Variants in TBC1D5 observed in about 807,000 individuals in gnomAD.
The protein encoded by TBC1D5 is TBC1 domain family, member 5.
In TBC1D5, 75 loss-of-function variants were observed where a neutral mutation model predicts 100.3. The observed-to-expected ratio is 0.75, with a 90% CI of 0.62 to 0.91. TBC1D5 has a LOEUF of 0.91. TBC1D5 is among the 40% of genes least tolerant of loss of function. The pLI, the probability that TBC1D5 is intolerant of heterozygous loss-of-function variation, is 0.00. For missense variants in TBC1D5, 910 were observed against 942.4 expected (o/e 0.97, Z 0.45); for synonymous variants, 323 against 325.6 (o/e 0.99, Z 0.09).
chr3:17,494,118 T>A (rs1309563723), intron 3 of TBC1D5, among the ~76,000 whole-genome samples: 2 of 152,150 alleles, frequency 1.3e-5, no homozygotes, highest in African/African-American at 4.8e-5. Flanking sequence ...GATGTTGTCG[T>A]TGATGCTATT....
intron 18 of TBC1D5, 41 bp downstream of exon 19, chr3:17,214,166 G>T (rs756051623): frequency 3.8e-6 from 6 of 1,584,350 alleles, no homozygotes; most frequent in South Asian, 3.5e-5. Flanking sequence ...CTCTAGAGAA[G>T]AAAATGAAGA....
chr3:17,394,472 A>C (rs1193667307), intron 8 of TBC1D5, among the ~76,000 whole-genome samples: 1 of 152,120 alleles, frequency 6.6e-6, no homozygotes, highest in Non-Finnish European at 1.5e-5. Flanking sequence ...TTGCAAAATA[A>C]AAGGATTTTA....
At chr3:17,334,381 C>T (rs887050602) in intron 13 of TBC1D5, among the ~76,000 whole-genome samples, 1 of 152,112 alleles carries the variant, frequency 6.6e-6, no homozygotes, top group African/African-American at 2.4e-5. Flanking sequence ...AAGGTAACTA[C>T]ATTAAATGAA....
intron 21 of TBC1D5, among the ~76,000 whole-genome samples, chr3:17,166,350 A>G (rs1360690966): frequency 6.6e-6 from 1 of 152,202 alleles, no homozygotes; most frequent in Non-Finnish European, 1.5e-5. Context: ...TTGGCAAAAA[A>G]GGTTCTAGCG....
At position 17,602,561 on chromosome 3, in the gene TBC1D5, A is replaced by ATTTTTTTTTTTTTT. The variant is rs33956978; in HGVS notation, c.-36+21274_-36+21287dup. Among the ~76,000 whole-genome samples, 25 of 74,518 alleles carry ATTTTTTTTTTTTTT rather than the reference A, an allele frequency of 3.4e-4. 1 individual carries two copies. The highest frequency in any genetic ancestry group is 4.9e-4 in the Non-Finnish European group (20 of 40,416). The allele number at this position is 74,518 out of a possible 152,430, so 48.9% of individuals were successfully genotyped here. Reference sequence around the variant, plus strand: ...TTATGCCATAATACGAGAGAATCAGATTTTTTTTTTTTTTTTTTTTTTTTT... The same window carrying ATTTTTTTTTTTTTT: ...TTATGCCATAATACGAGAGAATCAGATTTTTTTTTTTTTTTTTTTTTTTTTTTTTTTTTTTTTTT... On this transcript the variant is annotated intron_variant, in intron 2 of 21. Coordinates refer to ENST00000253692, the Ensembl canonical transcript of TBC1D5.
chr3:17,429,289 G>A (rs977950333), intron 3 of TBC1D5, among the ~76,000 whole-genome samples: 9 of 151,612 alleles, frequency 5.9e-5, no homozygotes, highest in Admixed American at 1.3e-4. Flanking sequence ...CCAATGCCCC[G>A]TTGTTATATA....
intron 2 of TBC1D5, among the ~76,000 whole-genome samples, chr3:17,542,959 T>G (rs887100077): frequency 6.6e-6 from 1 of 152,252 alleles, no homozygotes; most frequent in Non-Finnish European, 1.5e-5. Flanking sequence ...ACATACTTGC[T>G]CATATGTGAA....
intron 1 of TBC1D5, among the ~76,000 whole-genome samples, chr3:17,694,262 A>T (rs2071642479): frequency 6.6e-6 from 1 of 152,234 alleles, no homozygotes; most frequent in Non-Finnish European, 1.5e-5. Flanking sequence ...AGTTGACAGA[A>T]GTAGGCTTCA....
chr3:17,737,812 G>A (rs1463046538), intron 1 of TBC1D5, among the ~76,000 whole-genome samples: 1 of 135,792 alleles, frequency 7.4e-6, no homozygotes, highest in Non-Finnish European at 1.6e-5. Context: ...AAACTTTTAA[G>A]ACTATTTTGT....
chr3:17,634,626 T>TAAAAAAAAAA lies in TBC1D5; in HGVS notation c.-100-10723_-100-10714dup, dbSNP rs1000749608. On this transcript the variant is annotated intron_variant, in intron 1 of 21. Coordinates refer to ENST00000253692, the Ensembl canonical transcript of TBC1D5. Reference sequence around the variant, plus strand: ...GGGGACGTGGGGATGGCTAATAGGGTAAAAAAAAAAAAAAAAAAAGTGAAT... The same window carrying TAAAAAAAAAA: ...GGGGACGTGGGGATGGCTAATAGGGTAAAAAAAAAAAAAAAAAAAAAAAAAAAAAGTGAAT... 5.0e-3 allele frequency among the ~76,000 whole-genome samples: 429 copies of TAAAAAAAAAA among 85,312 alleles called. 6 individuals carry two copies. The highest frequency in any genetic ancestry group is 0.026 in the East Asian group (86 of 3,250). The allele number at this position is 85,312 out of a possible 152,430, so 56.0% of individuals were successfully genotyped here.
intron 2 of TBC1D5, among the ~76,000 whole-genome samples, chr3:17,584,971 G>A (rs1473879924): frequency 1.3e-5 from 2 of 151,438 alleles, no homozygotes; most frequent in Non-Finnish European, 3.0e-5. Context: ...TTATTTTTTC[G>A]ACAGAGATGG....
At chr3:17,509,748 A>T (rs1036377176) in intron 2 of TBC1D5, among the ~76,000 whole-genome samples, 2 of 151,954 alleles carry the variant, frequency 1.3e-5, no homozygotes, top group African/African-American at 4.8e-5. Context: ...GACATAGGTA[A>T]CTTTTTACAT....
intron 2 of TBC1D5, among the ~76,000 whole-genome samples, chr3:17,597,274 G>C (rs1025802003): frequency 3.3e-5 from 5 of 152,244 alleles, no homozygotes; most frequent in Admixed American, 2.6e-4. Context: ...TTAGTAAAAA[G>C]AACATCTATT....
At chr3:17,639,759 T>C (rs2064319369) in intron 1 of TBC1D5, among the ~76,000 whole-genome samples, 1 of 152,126 alleles carries the variant, frequency 6.6e-6, no homozygotes, top group Non-Finnish European at 1.5e-5. Flanking sequence ...ACTCTTAGAC[T>C]ACATCAAATC....
At position 17,363,547 on chromosome 3, in the gene TBC1D5, T is replaced by C. The variant is rs183170791; in HGVS notation, c.995+8528A>G. Among the ~76,000 whole-genome samples the C allele has an allele frequency of 4.8e-3, 724 of 151,984 alleles. 8 individuals are homozygous for C. Among genetic ancestry groups the C allele is most frequent in the African/African-American group, 0.016 (676 of 41,512 alleles). On this transcript the variant is annotated intron_variant, in intron 13 of 21. Transcript: ENST00000253692. ...CACCATACCTGGCTAATTTTTTCTT[T>C]TTTTTCTTTCCTTTTTCTTTCTTTT...
intron 8 of TBC1D5, among the ~76,000 whole-genome samples, chr3:17,389,905 A>G (rs1461291133): frequency 6.6e-6 from 1 of 152,136 alleles, no homozygotes; most frequent in African/African-American, 2.4e-5. Context: ...TGGTAAAACT[A>G]TAATTCTATA....
At chr3:17,300,611 C>T (rs2150359667) in intron 14 of TBC1D5, among the ~76,000 whole-genome samples, 1 of 152,162 alleles carries the variant, frequency 6.6e-6, no homozygotes, top group South Asian at 2.1e-4. Flanking sequence ...AAATCCCTAT[C>T]AAAAACAGAG....
chr3:17,596,831 G>T (rs1402518145), intron 2 of TBC1D5, among the ~76,000 whole-genome samples: 1 of 151,694 alleles, frequency 6.6e-6, no homozygotes, highest in Non-Finnish European at 1.5e-5. Flanking sequence ...CCCCAACACT[G>T]CCAATCACTC....
At chr3:17,635,051 A>G (rs2063792886) in intron 1 of TBC1D5, among the ~76,000 whole-genome samples, 1 of 152,192 alleles carries the variant, frequency 6.6e-6, no homozygotes, top group East Asian at 1.9e-4. Context: ...CTAAATCTAC[A>G]ACTTTCAGCA....
Sources: allele counts gnomAD v4.1 joint callset (sites outside exome capture counted in the v4.1 genomes callset), GRCh38; gene constraint gnomAD v4.1.1; transcripts MANE v1.5; gene names NCBI Gene and HGNC (gene_info 2026-07-23, HGNC 2026-07-21).